Variants in UQCC2 observed in about 807,000 individuals in gnomAD.
The protein encoded by UQCC2 is breast cancer-associated protein SGA-81M.
UQCC2 carries 21 observed loss-of-function variants against 19.9 expected under a neutral mutation model. That is an observed-to-expected ratio of 1.05 (90% CI 0.75 to 1.52). The LOEUF is 1.52. Ranked by LOEUF, UQCC2 falls within the 40% of genes most tolerant of loss-of-function variation. The probability of loss-of-function intolerance (pLI) is 0.00; values close to 1 mark genes in which losing one functional copy is unlikely to be tolerated. For missense variants in UQCC2, 135 were observed against 157.5 expected (o/e 0.86, Z 0.76); for synonymous variants, 57 against 60.9 (o/e 0.94, Z 0.30).
chr6:33,701,861 A>G (rs1765644286), intron 1 of UQCC2, among the ~76,000 whole-genome samples: 2 of 151,412 alleles, frequency 1.3e-5, no homozygotes, highest in South Asian at 4.2e-4. Context: ...AGACAATGCT[A>G]GGTTCTGAAG....
At chr6:33,702,543 T>C (rs1765653338) in intron 1 of UQCC2, among the ~76,000 whole-genome samples, 1 of 152,180 alleles carries the variant, frequency 6.6e-6, no homozygotes, top group African/African-American at 2.4e-5. Flanking sequence ...GTGATGTAAG[T>C]CAATTCTCTG....
chr6:33,701,163 C>T (rs1345648640), intron 2 of UQCC2, among the ~76,000 whole-genome samples, 183 bp downstream of exon 2: 1 of 152,208 alleles, frequency 6.6e-6, no homozygotes, highest in Non-Finnish European at 1.5e-5. Context: ...TTTTAAATAG[C>T]TTTTATTTAG....
rs955236503 is a variant in UQCC2 at position 33,697,413 on chromosome 6, G to A, written c.*240C>T. On this transcript the variant is annotated 3_prime_UTR_variant, in exon 4 of 4. Transcript: ENST00000607484. ...CCATTACCCTCATCAGGCCCAGAGGGAAACCTGCATTTCCTCTCCCCAGGA... is the reference window on the plus strand; with the variant it reads ...CCATTACCCTCATCAGGCCCAGAGGAAAACCTGCATTTCCTCTCCCCAGGA... 20 of 445,856 alleles carry A rather than the reference G, an allele frequency of 4.5e-5. No homozygotes were observed. Among genetic ancestry groups the A allele is most frequent in the South Asian group, 2.7e-4 (6 of 22,200 alleles). 27.6% of individuals were successfully genotyped at this position (445,856 alleles called of 1,614,324 possible). A position where few individuals can be genotyped will look rare whatever the true frequency, so the allele number is the denominator to read the frequency against.
At chr6:33,709,940 G>A (rs192581725) in intron 1 of UQCC2, among the ~76,000 whole-genome samples, 1 of 152,292 alleles carries the variant, frequency 6.6e-6, no homozygotes, top group Admixed American at 6.5e-5. Flanking sequence ...GGAAATCAGT[G>A]TACTTGGCAT....
At chr6:33,709,963 CTGCT>C (rs1765746721) in intron 1 of UQCC2, among the ~76,000 whole-genome samples, 1 of 152,222 alleles carries the variant, frequency 6.6e-6, no homozygotes, top group Non-Finnish European at 1.5e-5. Context: ...CAGGTTTAAC[CTGCT>C]TAACACCGAA....
At chr6:33,706,126 A>G (rs1380058269) in intron 1 of UQCC2, among the ~76,000 whole-genome samples, 1 of 152,214 alleles carries the variant, frequency 6.6e-6, no homozygotes, top group Non-Finnish European at 1.5e-5. Context: ...GGTGACAGCA[A>G]TTGGTACAGC....
At chr6:33,700,024 G>A (rs563179971) in intron 3 of UQCC2, among the ~76,000 whole-genome samples, 68 of 152,096 alleles carry the variant, frequency 4.5e-4, no homozygotes, top group Admixed American at 9.2e-4. Flanking sequence ...CACAGACCAC[G>A]TCCCCTGGGT....
chr6:33,705,253 A>T (rs1765686830), intron 1 of UQCC2, among the ~76,000 whole-genome samples: 1 of 152,004 alleles, frequency 6.6e-6, no homozygotes, highest in African/African-American at 2.4e-5. Flanking sequence ...GGATGGTCTC[A>T]ATCTCCTGAC....
intron 1 of UQCC2, among the ~76,000 whole-genome samples, chr6:33,706,562 G>A (rs1765701157): frequency 6.6e-6 from 1 of 152,242 alleles, no homozygotes. Flanking sequence ...ACCTGGCTGT[G>A]CTGATGGGGA....
At chr6:33,710,089 T>C (rs1388540508) in intron 1 of UQCC2, among the ~76,000 whole-genome samples, 1 of 152,166 alleles carries the variant, frequency 6.6e-6, no homozygotes. Flanking sequence ...GTTCCTCTCT[T>C]TTCCTTTATC....
chr6:33,706,137 G>A (rs956563818), intron 1 of UQCC2, among the ~76,000 whole-genome samples: 7 of 152,156 alleles, frequency 4.6e-5, no homozygotes, highest in Non-Finnish European at 8.8e-5. Context: ...TTGGTACAGC[G>A]GCCCCTATTC....
In UQCC2 at chr6:33,709,872, G is replaced by A. The variant is rs12206946; in HGVS notation, c.138+1677C>T. Among the ~76,000 whole-genome samples the A allele has an allele frequency of 9.8e-3, 1,494 of 151,978 alleles. 21 individuals carry two copies. Among genetic ancestry groups the A allele is most frequent in the Non-Finnish European group, 0.014 (979 of 67,980 alleles). On this transcript the variant is annotated intron_variant, in intron 1 of 3. Transcript: ENST00000607484. ...CATCTCATTATCTCATTTCATTTCT[G>A]GTCTCTTGCCCGAGCCCCAGGCTCA...
At chr6:33,706,227 C>T (rs868428713) in intron 1 of UQCC2, among the ~76,000 whole-genome samples, 1 of 152,146 alleles carries the variant, frequency 6.6e-6, no homozygotes, top group Non-Finnish European at 1.5e-5. Flanking sequence ...GAGCTGGATT[C>T]GGTCCAGGAG....
chr6:33,711,517 C>A (rs947128123), intron 1 of UQCC2, 32 bp downstream of exon 1: 1 of 1,578,676 alleles, frequency 6.3e-7, no homozygotes, highest in Non-Finnish European at 8.6e-7. Context: ...GTCCTTTCCT[C>A]CCCTCGTCCC....
At chr6:33,705,480 G>T (rs915255648) in intron 1 of UQCC2, among the ~76,000 whole-genome samples, 1 of 152,180 alleles carries the variant, frequency 6.6e-6, no homozygotes, top group Non-Finnish European at 1.5e-5. Context: ...AGGTCAGAAG[G>T]TGTCTAACTG....
chr6:33,698,598 CAGGAACCAAAGCAGGGTTT>C (rs1378614278), intron 3 of UQCC2: 1 of 152,202 alleles, frequency 6.6e-6, no homozygotes, highest in Non-Finnish European at 1.5e-5. Context: ...TCCCTACACC[CAGGAACCAAAGCAGGGTTT>C]CTTGGCCTTG....
chr6:33,710,617 C>CAGAAAGGCCCG (rs1765755158), intron 1 of UQCC2, among the ~76,000 whole-genome samples: 1 of 152,042 alleles, frequency 6.6e-6, no homozygotes, highest in African/African-American at 2.4e-5. Context: ...AGAAAGGCCC[C>CAGAAAGGCCCG]ACTAATAACA....
chr6:33,707,409 C>T (rs2127337541), intron 1 of UQCC2, among the ~76,000 whole-genome samples: 1 of 152,260 alleles, frequency 6.6e-6, no homozygotes. Context: ...CCCTGCCACA[C>T]TGAGGAATGC....
chr6:33,697,724 C>T lies in UQCC2; in HGVS notation c.310G>A (p.Asp104Asn), dbSNP rs550580339. Residue 104 changes from aspartate to asparagine, a missense_variant, in exon 4 of 4, where the codon GAT becomes AAT. Asp to Asn is a conservative substitution (Grantham distance 23, BLOSUM62 1). Transcript: ENST00000607484. Reference protein sequence around the residue: ...TDTLEELKEIDKGMWKKLQEK... With the variant: ...TDTLEELKEINKGMWKKLQEK... ...TGCAGTTTCTTCCACATGCCTTTAT[C>T]TATTTCCTTAAGCTCTTCCAAGGTG... 13 of 1,614,140 alleles carry T rather than the reference C, an allele frequency of 8.1e-6. No individual in the cohort carries two copies. The highest frequency in any genetic ancestry group is 8.5e-6 in the Non-Finnish European group (10 of 1,180,018).
Sources: allele counts gnomAD v4.1 joint callset (sites outside exome capture counted in the v4.1 genomes callset), GRCh38; gene constraint gnomAD v4.1.1; transcripts MANE v1.5; gene names NCBI Gene and HGNC (gene_info 2026-07-23, HGNC 2026-07-21).